Variants in RBFOX1 observed in about 807,000 individuals in gnomAD.
RBFOX1 encodes RNA binding protein fox-1 homolog 1.
A neutral mutation model predicts 57.7 loss-of-function variants in RBFOX1; 8 were observed. The observed-to-expected ratio is 0.14, with a 90% CI of 0.08 to 0.25. RBFOX1 has a LOEUF of 0.25. RBFOX1 is among the 10% of genes least tolerant of loss of function. The pLI is 1.00. For synonymous variants in RBFOX1, 326 were observed against 222.4 expected, an observed-to-expected ratio of 1.47 and a Z score of -4.15; for missense variants, 611 against 548.5, an observed-to-expected ratio of 1.11 and a Z score of -1.14.
In RBFOX1 at chr16:5,842,841, C is replaced by G. The variant is rs559384129; in HGVS notation, c.319-24462C>G. Among the ~76,000 whole-genome samples the G allele has an allele frequency of 1.7e-3, 258 of 152,072 alleles. 1 individual carries two copies. The highest frequency in any genetic ancestry group is 5.9e-3 in the African/African-American group (244 of 41,470). On this transcript the variant is annotated intron_variant, in intron 3 of 19. Coordinates refer to the RBFOX1 transcript ENST00000641259. ...TTTTTTTAATTTATTTATTTTGAGA[C>G]AGACTCTCGCACTGTCGCCTGGACT... is the stretch of plus-strand genomic sequence containing the variant.
At chr16:7,406,589 C>G in intron 4 of RBFOX1, among the ~76,000 whole-genome samples, 1 of 152,204 alleles carries the variant, frequency 6.6e-6, no homozygotes, top group East Asian at 1.9e-4. Context: ...TACAAACTTT[C>G]CGGAATCCAG....
At chr16:5,603,534 A>C (rs8058596), downstream of RBFOX1, among the ~76,000 whole-genome samples, 2,891 of 152,306 alleles carry the variant, frequency 0.019, 86 homozygotes, top group African/African-American at 0.066. Context: ...TTAATTCCAG[A>C]GTCATCAGGT....
At chr16:5,873,869 A>G (rs1567655594) in intron 4 of RBFOX1, among the ~76,000 whole-genome samples, 1 of 152,074 alleles carries the variant, frequency 6.6e-6, no homozygotes, top group Non-Finnish European at 1.5e-5. Context: ...TGAAGGGTGG[A>G]TTAGGTTAGG....
chr16:5,895,839 G>A (rs1354131696), intron 4 of RBFOX1, among the ~76,000 whole-genome samples: 2 of 152,162 alleles, frequency 1.3e-5, no homozygotes, highest in African/African-American at 4.8e-5. Context: ...TAAACGGAAA[G>A]CGATGTAACT....
At chr16:5,507,418 G>A (rs1365767507) in intron 2 of RBFOX1, among the ~76,000 whole-genome samples, 1 of 152,106 alleles carries the variant, frequency 6.6e-6, no homozygotes, top group Non-Finnish European at 1.5e-5. Context: ...TAGGTGTTCA[G>A]AAAACATGTG....
intron 3 of RBFOX1, among the ~76,000 whole-genome samples, chr16:6,935,896 T>C (rs2077286666): frequency 6.6e-6 from 1 of 152,180 alleles, no homozygotes. Flanking sequence ...CATCGGTTGC[T>C]AATGGAACCC....
chr16:5,955,768 A>C (rs891541430), intron 4 of RBFOX1, among the ~76,000 whole-genome samples: 2 of 152,228 alleles, frequency 1.3e-5, no homozygotes, highest in African/African-American at 4.8e-5. Flanking sequence ...ATCAGTCAAT[A>C]AGAAAAAGGC....
At chr16:6,767,671 T>G (rs923018883) in intron 3 of RBFOX1, among the ~76,000 whole-genome samples, 2 of 151,830 alleles carry the variant, frequency 1.3e-5, no homozygotes, top group Non-Finnish European at 2.9e-5. Flanking sequence ...ATCCCAACAC[T>G]TTGGGAGGCC....
At chr16:7,019,589 G>T (rs957384491) in intron 3 of RBFOX1, among the ~76,000 whole-genome samples, 1 of 152,146 alleles carries the variant, frequency 6.6e-6, no homozygotes, top group South Asian at 2.1e-4. Context: ...GATCTGTTCT[G>T]TGAATACGTA....
intron 1 of RBFOX1, among the ~76,000 whole-genome samples, chr16:5,398,673 C>T (rs1471669996): frequency 6.6e-6 from 1 of 151,836 alleles, no homozygotes; most frequent in Non-Finnish European, 1.5e-5. Flanking sequence ...GGGAGGATAG[C>T]AAGGTTGACA....
At chr16:7,331,093 T>A (rs567454465) in intron 4 of RBFOX1, among the ~76,000 whole-genome samples, 1 of 152,280 alleles carries the variant, frequency 6.6e-6, no homozygotes, top group East Asian at 1.9e-4. Flanking sequence ...CTTAAATAAT[T>A]GAATTCTCTG....
chr16:7,568,743 C>T (rs900877926), intron 5 of RBFOX1, among the ~76,000 whole-genome samples: 6 of 151,778 alleles, frequency 4.0e-5, no homozygotes, highest in Non-Finnish European at 7.4e-5. Context: ...AAAAATTAGC[C>T]GGGCATGGTG....
At chr16:5,492,821 C>T (rs1408739030) in intron 2 of RBFOX1, among the ~76,000 whole-genome samples, 1 of 152,162 alleles carries the variant, frequency 6.6e-6, no homozygotes, top group Non-Finnish European at 1.5e-5. Context: ...ACCATTAAAC[C>T]ATCAATAGTG....
intron 4 of RBFOX1, among the ~76,000 whole-genome samples, chr16:7,241,829 A>G (rs2094079828): frequency 6.6e-6 from 1 of 152,016 alleles, no homozygotes. Flanking sequence ...ATATGTTTAT[A>G]CATATATTAA....
chr16:6,435,286 A>G (rs376014676), intron 2 of RBFOX1, among the ~76,000 whole-genome samples: 5 of 136,040 alleles, frequency 3.7e-5, no homozygotes, highest in African/African-American at 1.5e-4. Context: ...TATTGTTGTT[A>G]TTGTTGTTGT....
At chr16:7,123,663 C>A (rs1957199813) in intron 4 of RBFOX1, among the ~76,000 whole-genome samples, 1 of 152,020 alleles carries the variant, frequency 6.6e-6, no homozygotes, top group Non-Finnish European at 1.5e-5. Flanking sequence ...CCCCACCTGG[C>A]AAAAATTATC....
rs2059393958 is a variant in RBFOX1, at chr16:5,946,054, A to G, written c.351+78719A>G. 6.6e-6 allele frequency among the ~76,000 whole-genome samples: 1 copy of G among 152,208 alleles called. No homozygotes were observed. ...AGAAGTCTGCTTTGTTTGCTAGTAAAGTGAGGGGGAGACAGGGTTTTAATT... is the reference window on the plus strand; with the variant it reads ...AGAAGTCTGCTTTGTTTGCTAGTAAGGTGAGGGGGAGACAGGGTTTTAATT... On this transcript the variant is annotated intron_variant, in intron 4 of 19. Coordinates refer to the RBFOX1 transcript ENST00000641259. The surrounding 1 kb of genome is among the most constrained non-coding windows in gnomAD (Gnocchi z 4.6).
intron 5 of RBFOX1, among the ~76,000 whole-genome samples, chr16:7,519,913 TCTCA>T (rs956763170): frequency 5.9e-5 from 9 of 152,204 alleles, no homozygotes; most frequent in Admixed American, 1.3e-4. Context: ...TGAGATGGGG[TCTCA>T]CTCTGTTGCC....
chr16:5,595,611 A>G (rs1336376364), intron 2 of RBFOX1, among the ~76,000 whole-genome samples: 1 of 152,180 alleles, frequency 6.6e-6, no homozygotes, highest in Non-Finnish European at 1.5e-5. Flanking sequence ...GCCAGCTCAA[A>G]TGATATGGAG....
Sources: gnomAD v4.1 joint callset for allele counts (sites outside exome capture counted in the v4.1 genomes callset) on GRCh38, gnomAD v4.1.1 for gene constraint, Gnocchi (gnomAD v3.1) non-coding constraint, MANE v1.5 for transcripts, NCBI Gene and HGNC (gene_info 2026-07-23, HGNC 2026-07-21) for gene names.